Variants in FOXD4 observed in about 807,000 individuals in gnomAD.
FOXD4 encodes the protein forkhead box protein D4.
In FOXD4, 22 loss-of-function variants were observed where a neutral mutation model predicts 26.5. That is an observed-to-expected ratio of 0.83 (90% CI 0.59 to 1.18). The LOEUF (loss-of-function observed/expected upper bound fraction) is 1.18, where lower values mean the gene tolerates loss of function less well. FOXD4 is among the 50% of genes most tolerant of loss of function. The pLI, the probability that FOXD4 is intolerant of heterozygous loss-of-function variation, is 0.00. For synonymous variants in FOXD4, 258 were observed against 273.7 expected (o/e 0.94, Z 0.57); for missense variants, 625 against 605.8 (o/e 1.03, Z -0.33).
chr9:117,092 C>A lies in FOXD4; in HGVS notation c.1028G>T (p.Arg343Leu), dbSNP rs754017099. 3.1e-6 allele frequency: 5 copies of A among 1,611,994 alleles called. No homozygotes were observed. In the South Asian group the frequency reaches 4.4e-5, roughly 14 times the overall value. The change falls in exon 1 of 1, where the codon CGA (arginine) becomes CTA (leucine). Residue 343 changes from arginine to leucine, a missense_variant. By Grantham distance (102) the Arg-to-Leu change is moderately radical (BLOSUM62 -2). Around this residue, in one of 3 missense-constraint regions of FOXD4, gnomAD observed 134 missense variants for 132.2 expected, o/e 1.01. Coordinates refer to ENST00000382500, the MANE Select transcript of FOXD4 (RefSeq NM_207305.5). ...RVQGLRRVCPRPRGATAPCSS... is the reference protein window; with the variant it reads ...RVQGLRRVCPLPRGATAPCSS... Reference sequence around the variant, plus strand: ...GCAGGGGGCAGTAGCTCCACGCGGTCGGGGACAAACTCTGCGCAGCCCCTG... The same window carrying A: ...GCAGGGGGCAGTAGCTCCACGCGGTAGGGGACAAACTCTGCGCAGCCCCTG...
rs1184205922 is a variant in FOXD4, at chr9:116,707, T to G, written c.*93A>C. 1 of 1,510,692 alleles carries G rather than the reference T, an allele frequency of 6.6e-7. No homozygotes were observed. The highest frequency in any genetic ancestry group is 1.3e-5 in the South Asian group (1 of 74,898). The allele number at this position is 1,510,692 out of a possible 1,614,324, so 93.6% of individuals were successfully genotyped here. A position where few individuals can be genotyped will look rare whatever the true frequency, so the allele number is the denominator to read the frequency against. ...TTTTGCAGGGAACAGAAGTTCGTGT[T>G]TGCTCTCCAGCGGGATTCAGATGCA... On this transcript the variant is annotated 3_prime_UTR_variant, in exon 1 of 1. Transcript: ENST00000382500.
Position 116,752 on chromosome 9 carries a change from G to T in FOXD4, c.*48C>A, listed in dbSNP as rs747810366. 16 of 1,546,370 alleles carry T rather than the reference G, an allele frequency of 1.0e-5. No homozygotes were observed. In the South Asian group the frequency reaches 1.8e-4, roughly 17 times the overall value. Reference sequence around the variant, plus strand: ...GATGCACACGCCCAGTATGGGCCGCGCAAGGTGGAGTGAGCAGCTGCGGGT... The same window carrying T: ...GATGCACACGCCCAGTATGGGCCGCTCAAGGTGGAGTGAGCAGCTGCGGGT... On this transcript the variant is annotated 3_prime_UTR_variant, in exon 1 of 1. Coordinates refer to ENST00000382500, the MANE Select transcript of FOXD4 (RefSeq NM_207305.5).
In FOXD4 at chr9:118,162, T is replaced by C. The variant is rs768528766; in HGVS notation, c.-43A>G. ...AGTCGCAGGGGATGTGGCGGCCGGA[T>C]CACCTGGCCCCGGCGGGCTGAGCTG... On this transcript the variant is annotated 5_prime_UTR_variant, in exon 1 of 1. Transcript: ENST00000382500. 6 of 1,546,638 alleles carry C rather than the reference T, an allele frequency of 3.9e-6. No homozygotes were observed. The highest frequency in any genetic ancestry group is 4.4e-6 in the Non-Finnish European group (5 of 1,149,284).
rs1563739612 is a variant in FOXD4, at chr9:117,595, G to A, written c.525C>T (p.Gly175=). 6.2e-7 allele frequency: 1 copy of A among 1,613,762 alleles called. No homozygotes were observed. Residue 175 remains glycine, a synonymous_variant, in exon 1 of 1, where the codon GGC becomes GGT. Coordinates refer to ENST00000382500, the MANE Select transcript of FOXD4 (RefSeq NM_207305.5). ...AGGCGGGGTCCAGGCTCCAGTAGTT[G>A]CCCTTGCCTGGGCGGCCCGGCTCGC... ...IPREPGRPGK[G]NYWSLDPASQ... is the part of the protein sequence containing the mutation.
rs1819362152 is a variant in FOXD4 at position 116,624 on chromosome 9, G to A, written c.*176C>T. On this transcript the variant is annotated 3_prime_UTR_variant, in exon 1 of 1. Coordinates refer to ENST00000382500, the MANE Select transcript of FOXD4 (RefSeq NM_207305.5). Reference sequence around the variant, plus strand: ...AAGAAAAGATGACTTGACGCCCTGCGAAGGTTACGTTCAGGTGGTTTTTAG... The same window carrying A: ...AAGAAAAGATGACTTGACGCCCTGCAAAGGTTACGTTCAGGTGGTTTTTAG... 9.0e-7 allele frequency: 1 copy of A among 1,108,688 alleles called. No homozygotes were observed. Among genetic ancestry groups the A allele is most frequent in the Non-Finnish European group, 1.3e-6 (1 of 780,776 alleles). 68.7% of individuals were successfully genotyped at this position (1,108,688 alleles called of 1,614,324 possible).
chr9:117,640 G>T lies in FOXD4; in HGVS notation c.480C>A (p.Asp160Glu), dbSNP rs1338143693. The change falls in exon 1 of 1, where the codon GAC (aspartate) becomes GAA (glutamate). Residue 160 changes from aspartate (D) to glutamate (E), a missense_variant. Physicochemically the swap from Asp to Glu is conservative, Grantham distance 45. Around this residue, in one of 3 missense-constraint regions of FOXD4, gnomAD observed 399 missense variants for 329.4 expected, o/e 1.21. Coordinates refer to ENST00000382500, the MANE Select transcript of FOXD4 (RefSeq NM_207305.5). The stretch of plus-strand genomic sequence containing the variant: ...GCTCGCGGGGGATCTTGACGAAGCA[G>T]TCGTTCAGCGAGAGGTTGTGGCGGA... ...NSIRHNLSLNDCFVKIPREPG... is the reference protein window; with the variant it reads ...NSIRHNLSLNECFVKIPREPG... 2.5e-6 allele frequency: 4 copies of T among 1,613,928 alleles called. No individual in the cohort carries two copies. The South Asian group carries it at 3.3e-5, about 13-fold the overall frequency.
At position 117,575 on chromosome 9, in the gene FOXD4, G is replaced by A; in HGVS notation, c.545C>T (p.Pro182Leu). 1.9e-5 allele frequency: 31 copies of A among 1,613,660 alleles called. No individual in the cohort carries two copies. Among genetic ancestry groups the A allele is most frequent in the Non-Finnish European group, 2.5e-5 (30 of 1,180,036 alleles). The change falls in exon 1 of 1, where the codon CCC (proline) becomes CTC (leucine). Residue 182 changes from proline (P) to leucine (L), a missense_variant. Transcript: ENST00000382500. ...PGKGNYWSLD[P>L]ASQDMFDNGS... ...ATTGTCGAACATGTCCTGGGAGGCGGGGTCCAGGCTCCAGTAGTTGCCCTT... is the reference window on the plus strand; with the variant it reads ...ATTGTCGAACATGTCCTGGGAGGCGAGGTCCAGGCTCCAGTAGTTGCCCTT...
rs1228684447 is a variant in FOXD4 at position 116,286 on chromosome 9, C to A, written c.*514G>T. ...TATATAACTAGGCTTAATTTTAACA[C>A]CTTAATTTTAACATTAAAGATGGCA... On this transcript the variant is annotated 3_prime_UTR_variant, in exon 1 of 1. Transcript: ENST00000382500. 1 of 179,080 alleles carries A rather than the reference C, an allele frequency of 5.6e-6. No homozygotes were observed. Among genetic ancestry groups the A allele is most frequent in the South Asian group, 1.6e-4 (1 of 6,110 alleles). The allele number at this position is 179,080 out of a possible 1,614,324, so 11.1% of individuals were successfully genotyped here. A position where few individuals can be genotyped will look rare whatever the true frequency, so the allele number is the denominator to read the frequency against.
Position 116,434 on chromosome 9 carries a change from A to C in FOXD4, c.*366T>G, listed in dbSNP as rs1819357834. 2.6e-6 allele frequency: 1 copy of C among 379,462 alleles called. No homozygotes were observed. The highest frequency in any genetic ancestry group is 4.3e-5 in the Admixed American group (1 of 23,114). The allele number at this position is 379,462 out of a possible 1,614,324, so 23.5% of individuals were successfully genotyped here. On this transcript the variant is annotated 3_prime_UTR_variant, in exon 1 of 1. Transcript: ENST00000382500. ...CACTAGACTTAGGAATAATACTTCC[A>C]GTTCCAAGGAAGTGAAGAAGGGGGA...
rs780410250 is a variant in FOXD4, at chr9:117,929, G to C, written c.191C>G (p.Ala64Gly). 71 of 1,611,818 alleles carry C rather than the reference G, an allele frequency of 4.4e-5. No individual in the cohort carries two copies. The highest frequency in any genetic ancestry group is 5.7e-5 in the Non-Finnish European group (67 of 1,179,844). The change falls in exon 1 of 1, where the codon GCG becomes GGG. Residue 64 changes from alanine to glycine, a missense_variant. By Grantham distance (60) the Ala-to-Gly change is moderately conservative. Transcript: ENST00000382500. ...GLQVARWGGV[A>G]LPREHIEGGG... ...GCCCTCGATGTGCTCTCGGGGAAGC[G>C]CAACCCCGCCCCACCGGGCCACCTG...
In FOXD4 at chr9:116,988, C is replaced by A. The variant is rs746114419; in HGVS notation, c.1132G>T (p.Ala378Ser). 5 of 1,611,888 alleles carry A rather than the reference C, an allele frequency of 3.1e-6. No individual in the cohort carries two copies. In the South Asian group the frequency reaches 4.4e-5, roughly 14 times the overall value. Residue 378 changes from alanine (A) to serine (S), a missense_variant, in exon 1 of 1, where the codon GCT (alanine) becomes TCT (serine). Coordinates refer to ENST00000382500, the MANE Select transcript of FOXD4 (RefSeq NM_207305.5). ...CCCAGCACCGCGCCCTTGGTGGGAG[C>A]GCAGCCGTTGGCGCAGTCCTCCTCC... ...HQEEDCANGC[A>S]PTKGAVLGGH...
rs761286086 is a variant in FOXD4 at position 116,971 on chromosome 9, C to T, written c.1149G>A (p.Ala383=). Residue 383 remains alanine (A), a synonymous_variant, in exon 1 of 1, where the codon GCG becomes GCA. Coordinates refer to ENST00000382500, the MANE Select transcript of FOXD4 (RefSeq NM_207305.5). ...CANGCAPTKG[A]VLGGHLSAAS... ...CGGCCGACAGGTGCCCGCCCAGCAC[C>T]GCGCCCTTGGTGGGAGCGCAGCCGT... 1.2e-6 allele frequency: 2 copies of T among 1,611,932 alleles called. No homozygotes were observed. The highest frequency in any genetic ancestry group is 1.1e-5 in the South Asian group (1 of 90,994).
Position 116,908 on chromosome 9 carries a change from G to T in FOXD4, c.1212C>A (p.Gly404=), listed in dbSNP as rs776891882. Residue 404 remains glycine (G), a synonymous_variant, in exon 1 of 1, where the codon GGC becomes GGA. Coordinates refer to ENST00000382500, the MANE Select transcript of FOXD4 (RefSeq NM_207305.5). The part of the protein sequence containing the change: ...ALLRYQAVAE[G]SGLTSLAAPL... ...GGGCGGCCAGCGATGTCAGCCCAGA[G>T]CCCTCTGCCACCGCCTGATACCGCA... 4 of 1,611,122 alleles carry T rather than the reference G, an allele frequency of 2.5e-6. No homozygotes were observed. The highest frequency in any genetic ancestry group is 3.4e-6 in the Non-Finnish European group (4 of 1,179,298).
At position 117,518 on chromosome 9, in the gene FOXD4, T is replaced by G. The variant is rs767529349; in HGVS notation, c.602A>C (p.Gln201Pro). Residue 201 changes from glutamine to proline, a missense_variant, in exon 1 of 1, where the codon CAG (glutamine) becomes CCG (proline). Coordinates refer to ENST00000382500, the MANE Select transcript of FOXD4 (RefSeq NM_207305.5). ...GSFLRRRKRF[Q>P]RHQPTPGAHL... ...GGCTCCCGGGGTCGGTTGGTGGCGC[T>G]GGAAACGCTTCCTACGCCGGAGAAA... 1.2e-5 allele frequency: 19 copies of G among 1,611,946 alleles called. No individual in the cohort carries two copies. The highest frequency in any genetic ancestry group is 2.2e-4 in the Middle Eastern group (1 of 4,580).
In FOXD4 at chr9:116,828, G is replaced by C. The variant is rs267602076; in HGVS notation, c.1292C>G (p.Ser431Cys). 1.9e-6 allele frequency: 3 copies of C among 1,604,986 alleles called. No homozygotes were observed. ...GGAGGGCCCTGCGGACTCGGCCAGG[G>C]AACTGGGCGTGGGCGATACTAAAAA... The part of the protein sequence containing the change: ...PVFLVSPTPS[S>C]LAESAGPS The change falls in exon 1 of 1, where the codon TCC (serine) becomes TGC (cysteine). Residue 431 changes from serine (S) to cysteine (C), a missense_variant. Around this residue, in one of 3 missense-constraint regions of FOXD4, gnomAD observed 134 missense variants for 132.2 expected, o/e 1.01. Transcript: ENST00000382500.
rs142378866 is a variant in FOXD4 at position 116,985 on chromosome 9, G to C, written c.1135C>G (p.Pro379Ala). The C allele has an allele frequency of 6.2e-6, 10 of 1,611,892 alleles. No homozygotes were observed. The African/African-American group carries it at 1.3e-4, about 22-fold the overall frequency. ...QEEDCANGCAPTKGAVLGGHL... is the reference protein window; with the variant it reads ...QEEDCANGCAATKGAVLGGHL... ...CCGCCCAGCACCGCGCCCTTGGTGG[G>C]AGCGCAGCCGTTGGCGCAGTCCTCC... Residue 379 changes from proline (P) to alanine (A), a missense_variant, in exon 1 of 1, where the codon CCC (proline) becomes GCC (alanine). By Grantham distance (27) the Pro-to-Ala change is conservative. Around this residue, in one of 3 missense-constraint regions of FOXD4, gnomAD observed 134 missense variants for 132.2 expected, o/e 1.01. Transcript: ENST00000382500.
rs139850554 is a variant in FOXD4, at chr9:116,953, C to G, written c.1167G>C (p.Leu389=). The G allele has an allele frequency of 1.9e-3, 3,030 of 1,611,642 alleles. 14 individuals carry two copies. In the African/African-American group the frequency reaches 0.019, roughly 10 times the overall value. The change falls in exon 1 of 1, where the codon CTG becomes CTC. Residue 389 remains leucine, a synonymous_variant. Transcript: ENST00000382500. ...ACCGCAGCAGCGCCGACGCGGCCGACAGGTGCCCGCCCAGCACCGCGCCCT... is the reference window on the plus strand; with the variant it reads ...ACCGCAGCAGCGCCGACGCGGCCGAGAGGTGCCCGCCCAGCACCGCGCCCT... ...PTKGAVLGGH[L]SAASALLRYQ...
chr9:117,220 G>T lies in FOXD4; in HGVS notation c.900C>A (p.Val300=). Residue 300 remains valine (V), a synonymous_variant, in exon 1 of 1, where the codon GTC becomes GTA. Transcript: ENST00000382500. ...CCCTTGCCCTCCTCCCAAGGCTGAG[G>T]ACCAAGTGAGGGCTGCAGCACGGGA... ...APFPCCSPHL[V]LSLGRRARVW... 1 of 1,610,006 alleles carries T rather than the reference G, an allele frequency of 6.2e-7. No homozygotes were observed. The highest frequency in any genetic ancestry group is 8.5e-7 in the Non-Finnish European group (1 of 1,179,854).
rs555174038 is a variant in FOXD4 at position 117,764 on chromosome 9, T to C, written c.356A>G (p.Gln119Arg). ...GAGCGTGAGGCGCTTGTGCGGGCTTTGCAGGATGGCCATGGTGATGAGCGC... is the reference window on the plus strand; with the variant it reads ...GAGCGTGAGGCGCTTGTGCGGGCTTCGCAGGATGGCCATGGTGATGAGCGC... ...YIALITMAIL[Q>R]SPHKRLTLSG... is the part of the protein sequence containing the mutation. The change falls in exon 1 of 1, where the codon CAA becomes CGA. Residue 119 changes from glutamine (Q) to arginine (R), a missense_variant. Transcript: ENST00000382500. The C allele has an allele frequency of 2.4e-5, 38 of 1,613,262 alleles. No homozygotes were observed. In the African/African-American group the frequency reaches 4.7e-4, roughly 20 times the overall value.
Sources: allele counts gnomAD v4.1 joint callset, GRCh38; gene constraint gnomAD v4.1.1; regional missense constraint gnomAD v4.1.1; transcripts MANE v1.5; gene names NCBI Gene and HGNC (gene_info 2026-07-23, HGNC 2026-07-21).